The following SCRG1 variants were observed in gnomAD, a reference collection of about 807,000 sequenced individuals.
The protein encoded by SCRG1 is scrapie-responsive protein 1.
Under a neutral mutation model 7.7 loss-of-function variants are expected in SCRG1, and 3 were observed. The observed-to-expected ratio is 0.39, with a 90% CI of 0.18 to 1.01. SCRG1 has a LOEUF of 1.01. Ranked by LOEUF, SCRG1 falls within the 50% of genes least tolerant of loss-of-function variation. The probability of loss-of-function intolerance (pLI) is 0.36; values close to 1 mark genes in which losing one functional copy is unlikely to be tolerated. For missense variants in SCRG1, 110 were observed against 117.2 expected (o/e 0.94, Z 0.28); for synonymous variants, 46 against 41.2 (o/e 1.12, Z -0.44).
At chr4:173,485,324 A>G in the SCRG1 span, among the ~76,000 whole-genome samples, 1 of 130,508 alleles carries the variant, frequency 7.7e-6, no homozygotes, top group African/African-American at 2.7e-5. Context: ...CTACCAAGTG[A>G]ATTAGTCACT....
chr4:173,404,654 T>C (rs1029076608), intron 1 of SCRG1, among the ~76,000 whole-genome samples: 2 of 152,196 alleles, frequency 1.3e-5, no homozygotes, highest in African/African-American at 2.4e-5. Context: ...CTGTGTACCA[T>C]GAATGATATT....
the SCRG1 span, among the ~76,000 whole-genome samples, chr4:173,485,035 ATT>A: frequency 3.3e-4 from 10 of 30,054 alleles, 2 homozygotes; most frequent in Non-Finnish European, 4.8e-4. Context: ...TATATTATAT[ATT>A]ATATATTATA....
the SCRG1 span, among the ~76,000 whole-genome samples, chr4:173,497,371 A>G: frequency 5.9e-5 from 9 of 152,064 alleles, no homozygotes; most frequent in Non-Finnish European, 1.3e-4. Context: ...GGGTTTTTTT[A>G]GCCTCCAAGT....
the SCRG1 span, among the ~76,000 whole-genome samples, chr4:173,466,707 A>G: frequency 1.3e-5 from 2 of 152,346 alleles, no homozygotes; most frequent in South Asian, 4.1e-4. Context: ...TCTGATAATG[A>G]CATTTCAGCA....
the SCRG1 span, among the ~76,000 whole-genome samples, chr4:173,446,888 A>C: frequency 6.6e-6 from 1 of 152,194 alleles, no homozygotes; most frequent in Non-Finnish European, 1.5e-5. Context: ...TGACTGACGG[A>C]CTATGGTTAA....
the SCRG1 span, among the ~76,000 whole-genome samples, chr4:173,493,498 G>A: frequency 6.6e-6 from 1 of 151,842 alleles, no homozygotes; most frequent in Non-Finnish European, 1.5e-5. Flanking sequence ...CGTGCTTGTA[G>A]TCCCAGCTAC....
the SCRG1 span, among the ~76,000 whole-genome samples, chr4:173,465,210 A>G: frequency 1.3e-5 from 2 of 152,226 alleles, no homozygotes; most frequent in Admixed American, 1.3e-4. Context: ...ATGCCACTGA[A>G]TGACACACTT....
the SCRG1 span, among the ~76,000 whole-genome samples, chr4:173,472,747 C>A: frequency 6.6e-6 from 1 of 152,134 alleles, no homozygotes; most frequent in Non-Finnish European, 1.5e-5. Context: ...CCACATTAGG[C>A]AGGGAAATCT....
the SCRG1 span, among the ~76,000 whole-genome samples, chr4:173,511,732 G>T: frequency 1.1e-3 from 166 of 152,094 alleles, no homozygotes; most frequent in Middle Eastern, 3.4e-3. This position sits in a 1 kb window ranked among gnomAD's most constrained non-coding sequence, Gnocchi z 5.2. Flanking sequence ...CTTTTCTTCT[G>T]TATTCCTGAG....
chr4:173,389,065 C>CAA (rs200956894), intron 2 of SCRG1, among the ~76,000 whole-genome samples: 1 of 150,086 alleles, frequency 6.7e-6, no homozygotes, highest in Non-Finnish European at 1.5e-5. Flanking sequence ...TCAAGTCATA[C>CAA]AAAAAAAAAG....
At chr4:173,427,639 G>A in the SCRG1 span, among the ~76,000 whole-genome samples, 23 of 152,300 alleles carry the variant, frequency 1.5e-4, no homozygotes, top group African/African-American at 4.8e-4. Context: ...TAGGAGGAGC[G>A]CAGACTGAAT....
chr4:173,426,529 C>T, the SCRG1 span, among the ~76,000 whole-genome samples: 23 of 152,308 alleles, frequency 1.5e-4, no homozygotes, highest in African/African-American at 3.8e-4. Flanking sequence ...TGCAGTGGCA[C>T]GATCATGGCT....
chr4:173,472,934 C>A, the SCRG1 span, among the ~76,000 whole-genome samples: 1 of 152,034 alleles, frequency 6.6e-6, no homozygotes, highest in Non-Finnish European at 1.5e-5. Flanking sequence ...TGATTAAATG[C>A]TAATAAATTT....
chr4:173,456,949 G>C, the SCRG1 span, among the ~76,000 whole-genome samples: 1 of 152,202 alleles, frequency 6.6e-6, no homozygotes. Flanking sequence ...TACTGTACTT[G>C]CTTGCTTTAT....
chr4:173,457,655 C>T, the SCRG1 span, among the ~76,000 whole-genome samples: 3 of 152,076 alleles, frequency 2.0e-5, no homozygotes, highest in Admixed American at 6.6e-5. Context: ...TCTTTTGTTA[C>T]GCTACTTTTA....
the SCRG1 span, among the ~76,000 whole-genome samples, chr4:173,426,983 G>A: frequency 2.6e-5 from 4 of 152,174 alleles, no homozygotes; most frequent in Non-Finnish European, 4.4e-5. Flanking sequence ...TAAATTATAT[G>A]CATGTTTTAG....
chr4:173,438,426 T>C, the SCRG1 span, among the ~76,000 whole-genome samples: 25 of 152,258 alleles, frequency 1.6e-4, no homozygotes, highest in East Asian at 4.8e-3. Flanking sequence ...TCTGACCAAC[T>C]AAGCTTTTTA....
chr4:173,492,469 C>T, the SCRG1 span, among the ~76,000 whole-genome samples: 12 of 152,090 alleles, frequency 7.9e-5, no homozygotes, highest in Non-Finnish European at 1.5e-4. Flanking sequence ...TCCATGCCCA[C>T]ACTAATCCAG....
At chr4:173,477,883 C>G in the SCRG1 span, among the ~76,000 whole-genome samples, 3 of 152,006 alleles carry the variant, frequency 2.0e-5, no homozygotes, top group African/African-American at 7.2e-5. Flanking sequence ...ATAGTCCCCC[C>G]ACAGCCTCCT....
Sources: gnomAD v4.1 joint callset for allele counts (sites outside exome capture counted in the v4.1 genomes callset) on GRCh38, gnomAD v4.1.1 for gene constraint, Gnocchi (gnomAD v3.1) non-coding constraint, MANE v1.5 for transcripts, NCBI Gene and HGNC (gene_info 2026-07-23, HGNC 2026-07-21) for gene names.